The following TENM2 variants were observed in gnomAD, a reference collection of about 807,000 sequenced individuals.
TENM2 encodes teneurin-2.
A neutral mutation model predicts 245.2 loss-of-function variants in TENM2; 52 were observed. The ratio of observed to expected loss-of-function variants is 0.21; its 90% confidence interval spans 0.17 to 0.27. The LOEUF is 0.27. Ranked by LOEUF, TENM2 falls within the 10% of genes least tolerant of loss-of-function variation. The pLI is 1.00. For synonymous variants in TENM2, 1,363 were observed against 1,438.9 expected, an observed-to-expected ratio of 0.95 and a Z score of 1.19; for missense variants, 3,046 against 3,666.8, an observed-to-expected ratio of 0.83 and a Z score of 4.37.
chr5:167,660,464 CAAAAAAAAAAAAA>C (rs749846307), intron 2 of TENM2: 2 of 33,168 alleles, frequency 6.0e-5, no homozygotes, highest in African/African-American at 1.4e-4. Context: ...GGCTGTGTCT[CAAAAAAAAAAAAA>C]AAAAAAAAAA....
chr5:167,249,758 G>A, the TENM2 span, among the ~76,000 whole-genome samples: 4 of 152,112 alleles, frequency 2.6e-5, no homozygotes, highest in African/African-American at 9.7e-5. Context: ...GACTTCTAGG[G>A]ATAAATGATG....
the TENM2 span, among the ~76,000 whole-genome samples, chr5:167,090,525 C>T: frequency 1.3e-5 from 2 of 152,168 alleles, no homozygotes; most frequent in Non-Finnish European, 2.9e-5. Flanking sequence ...CTAATATATA[C>T]AGTACCATCG....
chr5:167,206,927 T>C, the TENM2 span, among the ~76,000 whole-genome samples: 2 of 152,022 alleles, frequency 1.3e-5, no homozygotes, highest in Non-Finnish European at 2.9e-5. Flanking sequence ...CCAAGGAAGA[T>C]GTAAACACGT....
intron 1 of TENM2, among the ~76,000 whole-genome samples, chr5:167,286,520 T>C (rs925923767): frequency 3.9e-5 from 6 of 152,194 alleles, no homozygotes; most frequent in Non-Finnish European, 8.8e-5. Flanking sequence ...ACATTTCCAA[T>C]ATAATAAAAT....
chr5:167,891,979 C>A (rs1774797393), intron 3 of TENM2, among the ~76,000 whole-genome samples: 1 of 152,176 alleles, frequency 6.6e-6, no homozygotes, highest in Admixed American at 6.5e-5. Flanking sequence ...AAGATTCCAA[C>A]TTTTACAAAG....
chr5:167,409,531 T>TA (rs1237891639), intron 2 of TENM2, among the ~76,000 whole-genome samples: 3 of 151,968 alleles, frequency 2.0e-5, no homozygotes, highest in African/African-American at 7.2e-5. Flanking sequence ...AATTAAGCTT[T>TA]AAAAAAACAA....
chr5:167,849,016 A>G (rs1770317282), intron 2 of TENM2, among the ~76,000 whole-genome samples: 1 of 152,196 alleles, frequency 6.6e-6, no homozygotes, highest in South Asian at 2.1e-4. Context: ...ATGAAAATGG[A>G]TGATCTATCT....
At chr5:167,418,277 C>T (rs1390432428) in intron 2 of TENM2, among the ~76,000 whole-genome samples, 2 of 149,734 alleles carry the variant, frequency 1.3e-5, no homozygotes, top group Non-Finnish European at 3.0e-5. Flanking sequence ...TGAGGTGAGC[C>T]GAGATTGTGC....
intron 2 of TENM2, among the ~76,000 whole-genome samples, chr5:167,493,731 A>G (rs1768594368): frequency 6.6e-6 from 1 of 152,096 alleles, no homozygotes; most frequent in Non-Finnish European, 1.5e-5. Context: ...GATAATATAT[A>G]CACACGTTTC....
At chr5:167,121,523 G>A in the TENM2 span, among the ~76,000 whole-genome samples, 1 of 152,340 alleles carries the variant, frequency 6.6e-6, no homozygotes, top group South Asian at 2.1e-4. Flanking sequence ...GGCACTGTGA[G>A]TGAGAGAAAC....
the TENM2 span, among the ~76,000 whole-genome samples, chr5:167,017,921 T>A: frequency 1.3e-5 from 2 of 152,022 alleles, no homozygotes; most frequent in Admixed American, 1.3e-4. Flanking sequence ...GTCAATGAAA[T>A]AAATGTAGGA....
the TENM2 span, among the ~76,000 whole-genome samples, chr5:167,063,196 G>T: frequency 1.3e-5 from 2 of 152,104 alleles, no homozygotes; most frequent in South Asian, 4.1e-4. Context: ...GCCACGTGTT[G>T]ACTCTCCAGA....
chr5:167,744,631 A>G (rs914380420), intron 2 of TENM2, among the ~76,000 whole-genome samples: 2 of 152,114 alleles, frequency 1.3e-5, no homozygotes, highest in Admixed American at 6.6e-5. Flanking sequence ...GACATTTTAT[A>G]TCGTTCCTTC....
intron 4 of TENM2, among the ~76,000 whole-genome samples, chr5:167,961,315 G>T: frequency 6.6e-6 from 1 of 152,176 alleles, no homozygotes; most frequent in South Asian, 2.1e-4. Flanking sequence ...AAGCTGACTG[G>T]CTGGCCAGGC....
At chr5:168,014,564 G>C (rs527842689) in intron 5 of TENM2, among the ~76,000 whole-genome samples, 2 of 152,194 alleles carry the variant, frequency 1.3e-5, no homozygotes, top group Admixed American at 6.5e-5. Context: ...TTCCACAAAG[G>C]CTTTCTTTGC....
chr5:167,478,764 T>C (rs1767560113), intron 2 of TENM2, among the ~76,000 whole-genome samples: 1 of 152,190 alleles, frequency 6.6e-6, no homozygotes, highest in African/African-American at 2.4e-5. Flanking sequence ...ATTTTGCACC[T>C]TCCTCTCTCG....
chr5:167,503,928 C>T (rs1170204593), intron 2 of TENM2, among the ~76,000 whole-genome samples: 1 of 152,044 alleles, frequency 6.6e-6, no homozygotes, highest in Non-Finnish European at 1.5e-5. Context: ...AAATAAAAGC[C>T]AGATGTATCT....
chr5:167,185,712 AT>A, the TENM2 span, among the ~76,000 whole-genome samples: 78 of 148,380 alleles, frequency 5.3e-4, no homozygotes, highest in East Asian at 0.011. Context: ...CTTGAAGGTC[AT>A]TTTTTTTTTG....
At chr5:167,137,566 A>G in the TENM2 span, among the ~76,000 whole-genome samples, 1 of 152,120 alleles carries the variant, frequency 6.6e-6, no homozygotes, top group Non-Finnish European at 1.5e-5. Context: ...GGAGCTTGAG[A>G]GTTGGGTTAA....
Sources: gnomAD v4.1 joint callset for allele counts (sites outside exome capture counted in the v4.1 genomes callset) on GRCh38, gnomAD v4.1.1 for gene constraint, MANE v1.5 for transcripts, NCBI Gene and HGNC (gene_info 2026-07-23, HGNC 2026-07-21) for gene names.